The following SETD5 variants were observed in gnomAD, a reference collection of about 807,000 sequenced individuals.
SETD5 encodes histone-lysine N-methyltransferase SETD5.
A neutral mutation model predicts 153.3 loss-of-function variants in SETD5; 44 were observed. The ratio of observed to expected loss-of-function variants is 0.29; its 90% CI spans 0.23 to 0.37. The LOEUF is 0.37. Among genes scored for constraint, SETD5 ranks in the 10% least tolerant of loss-of-function variants. The probability of loss-of-function intolerance (pLI) is 1.00; values close to 1 mark genes in which losing one functional copy is unlikely to be tolerated. For missense variants in SETD5, 1,544 were observed against 1,768.0 expected, an observed-to-expected ratio of 0.87 and a Z score of 2.27; for synonymous variants, 716 against 645.2, an observed-to-expected ratio of 1.11 and a Z score of -1.66.
At chr3:9,468,668 G>A in intron 18 of SETD5, 1 of 1,162,796 alleles carries the variant, frequency 8.6e-7, no homozygotes, top group South Asian at 1.3e-5. Flanking sequence ...GGGGATCTGA[G>A]TCAGTGGGGT....
intron 1 of SETD5, among the ~76,000 whole-genome samples, chr3:9,407,459 C>T (rs1052615597): frequency 2.0e-5 from 3 of 152,154 alleles, no homozygotes; most frequent in African/African-American, 4.8e-5. Flanking sequence ...CTTCCTCTTA[C>T]AGTTTATCAT....
intron 20 of SETD5, 28 bp downstream of exon 20, chr3:9,473,565 T>G: frequency 6.5e-7 from 1 of 1,534,090 alleles, no homozygotes; most frequent in Non-Finnish European, 8.8e-7. Flanking sequence ...GTTTTATAGT[T>G]AAATTGGGGG....
chr3:9,412,387 G>GTTTTTTTTTTT (rs370566998), intron 1 of SETD5, among the ~76,000 whole-genome samples: 3 of 89,536 alleles, frequency 3.4e-5, no homozygotes, highest in Non-Finnish European at 6.9e-5. Context: ...ACAGTTTTGG[G>GTTTTTTTTTTT]TTTTTTTTTT....
intron 14 of SETD5, 150 bp downstream of exon 14, chr3:9,447,457 TG>T: frequency 8.1e-7 from 1 of 1,235,308 alleles, no homozygotes; most frequent in African/African-American, 1.5e-5. Context: ...ACCATTTCAT[TG>T]GCCTATTTTA....
At chr3:9,453,687 CTAAA>C in intron 16 of SETD5, 48 bp from the exon 17 acceptor site, 1 of 1,511,762 alleles carries the variant, frequency 6.6e-7, no homozygotes, top group Non-Finnish European at 8.9e-7. Flanking sequence ...AACAGGTGCA[CTAAA>C]TAGTTTTAGA....
chr3:9,426,555 G>A (rs1230077267), intron 2 of SETD5, among the ~76,000 whole-genome samples: 2 of 151,964 alleles, frequency 1.3e-5, no homozygotes, highest in East Asian at 3.9e-4. Flanking sequence ...TGCCACTACA[G>A]CTAATTTTTG....
At chr3:9,419,777 TAATG>T (rs1297557279) in intron 1 of SETD5, among the ~76,000 whole-genome samples, 1 of 152,184 alleles carries the variant, frequency 6.6e-6, no homozygotes, top group Non-Finnish European at 1.5e-5. Context: ...TTGCTTAAAT[TAATG>T]AAAGTAAAAA....
chr3:9,448,073 C>T, intron 15 of SETD5, 67 bp downstream of exon 15: 2 of 1,462,820 alleles, frequency 1.4e-6, no homozygotes, highest in Non-Finnish European at 1.8e-6. Context: ...ATGAGAGGAC[C>T]TATAATCCCT....
chr3:9,468,644 G>A, intron 18 of SETD5: 1 of 1,265,990 alleles, frequency 7.9e-7, no homozygotes, highest in Non-Finnish European at 1.0e-6. Context: ...GTTCCTGAGT[G>A]TGTGGGGAGG....
At position 9,434,954 on chromosome 3, in the gene SETD5, AC is replaced by A. The variant is rs1219094803; in HGVS notation, c.388+76del. 1 of 1,543,076 alleles carries A rather than the reference AC, an allele frequency of 6.5e-7. No individual in the cohort carries two copies. The highest frequency in any genetic ancestry group is 1.4e-5 in the African/African-American group (1 of 73,332). ...TGTGATCTGAATGTTCATTTTAAGA[AC>A]CCCTCTTGGCCAGGCGCAGTGGCTT... On this transcript the variant is annotated intron_variant, in intron 6 of 22. Coordinates refer to ENST00000402198, the MANE Select transcript of SETD5 (RefSeq NM_001080517.3). The surrounding 1 kb of genome is among the most constrained non-coding windows in gnomAD (Gnocchi z 5.6).
chr3:9,475,732 C>T lies in SETD5; in HGVS notation c.3970C>T (p.Gln1324Ter). The change falls in exon 23 of 23, where the codon CAG becomes TAG. Residue 1324 changes from glutamine to a stop codon, truncating the protein, a stop_gained. Coordinates refer to ENST00000402198, the MANE Select transcript of SETD5 (RefSeq NM_001080517.3). LOFTEE classifies it high-confidence loss of function. ...FTGTPGYFSS[Q>*]PHSGNSTGSN... ...GGGGACACCAGGGTATTTTAGCAGCCAGCCACATTCTGGAAACAGCACTGG... is the reference window on the plus strand; with the variant it reads ...GGGGACACCAGGGTATTTTAGCAGCTAGCCACATTCTGGAAACAGCACTGG... 6.2e-7 allele frequency: 1 copy of T among 1,613,950 alleles called. No homozygotes were observed. Among genetic ancestry groups the T allele is most frequent in the Non-Finnish European group, 8.5e-7 (1 of 1,179,864 alleles).
In SETD5 at chr3:9,476,772, G is replaced by T. The variant is rs950759275; in HGVS notation, c.*681G>T. ...GTCAGCTCTTGATTATTCGGGAGCAGATTATTTGAGTAGATTGTCTGAGCC... is the reference window on the plus strand; with the variant it reads ...GTCAGCTCTTGATTATTCGGGAGCATATTATTTGAGTAGATTGTCTGAGCC... On this transcript the variant is annotated 3_prime_UTR_variant, in exon 23 of 23. Transcript: ENST00000402198. 1 of 152,506 alleles carries T rather than the reference G, an allele frequency of 6.6e-6. No individual in the cohort carries two copies. The highest frequency in any genetic ancestry group is 1.5e-5 in the Non-Finnish European group (1 of 68,068). 9.4% of individuals were successfully genotyped at this position (152,506 alleles called of 1,614,324 possible). A position where few individuals can be genotyped will look rare whatever the true frequency, so the allele number is the denominator to read the frequency against.
At chr3:9,420,054 A>AT (rs2038140400) in intron 1 of SETD5, among the ~76,000 whole-genome samples, 1 of 152,158 alleles carries the variant, frequency 6.6e-6, no homozygotes, top group African/African-American at 2.4e-5. Flanking sequence ...AGTCTAAATT[A>AT]TTTGAGGGCA....
intron 1 of SETD5, among the ~76,000 whole-genome samples, chr3:9,407,956 C>T (rs567967077): frequency 1.6e-4 from 24 of 151,776 alleles, no homozygotes; most frequent in East Asian, 1.2e-3. Context: ...GCTGAGATTG[C>T]GCCATTGTAT....
intron 17 of SETD5, among the ~76,000 whole-genome samples, chr3:9,461,483 A>G (rs2043952249): frequency 6.6e-6 from 1 of 152,180 alleles, no homozygotes; most frequent in African/African-American, 2.4e-5. Context: ...TATGTGCTGT[A>G]TAACCTTGGT....
intron 1 of SETD5, among the ~76,000 whole-genome samples, chr3:9,420,278 CT>C (rs780920738): frequency 1.3e-5 from 2 of 152,068 alleles, no homozygotes; most frequent in Non-Finnish European, 2.9e-5. Flanking sequence ...GATATGTAGT[CT>C]TATCCTACTG....
chr3:9,398,630 T>G (rs1241578756), intron 1 of SETD5: 1 of 152,264 alleles, frequency 6.6e-6, no homozygotes, highest in Admixed American at 6.5e-5. Flanking sequence ...TGAGCCAGAT[T>G]GTGTCGTTTT....
At chr3:9,455,515 A>T (rs1460100694) in intron 17 of SETD5, among the ~76,000 whole-genome samples, 1 of 152,180 alleles carries the variant, frequency 6.6e-6, no homozygotes, top group Non-Finnish European at 1.5e-5. Flanking sequence ...AATTCCAGTT[A>T]TCTGAAAGAT....
In SETD5 at chr3:9,437,522, C is replaced by CGTGTGTGTGTGTGTGTGTGT. The variant is rs6147703; in HGVS notation, c.567+1625_567+1644dup. ...TTATGCTGTCTGGTATCCTCCTTTA[C>CGTGTGTGTGTGTGTGTGTGT]GTGTGTGTGTGTGTGTGTGTGTGTG... On this transcript the variant is annotated intron_variant, in intron 7 of 22. Transcript: ENST00000402198. Among the ~76,000 whole-genome samples, 808 of 145,096 alleles carry CGTGTGTGTGTGTGTGTGTGT rather than the reference C, an allele frequency of 5.6e-3. 12 individuals are homozygous for CGTGTGTGTGTGTGTGTGTGT. Among genetic ancestry groups the CGTGTGTGTGTGTGTGTGTGT allele is most frequent in the African/African-American group, 0.019 (732 of 38,716 alleles).
Sources: gnomAD v4.1 joint callset for allele counts (sites outside exome capture counted in the v4.1 genomes callset) on GRCh38, gnomAD v4.1.1 for gene constraint, Gnocchi (gnomAD v3.1) non-coding constraint, MANE v1.5 for transcripts, NCBI Gene and HGNC (gene_info 2026-07-23, HGNC 2026-07-21) for gene names.